ARHGEF4: variants seen among roughly 807,000 people sequenced by gnomAD.
ARHGEF4 encodes APC-stimulated guanine nucleotide exchange factor 1.
In ARHGEF4, 119 loss-of-function variants were observed where a neutral mutation model predicts 162.0. That is an observed-to-expected ratio of 0.73 (90% CI 0.63 to 0.86). The LOEUF is 0.86. Ranked by LOEUF, ARHGEF4 falls within the 40% of genes least tolerant of loss-of-function variation. The probability of loss-of-function intolerance (pLI) is 0.00; values close to 1 mark genes in which losing one functional copy is unlikely to be tolerated. For missense variants in ARHGEF4, 2,488 were observed against 2,456.0 expected (o/e 1.01, Z -0.28); for synonymous variants, 1,014 against 979.9 (o/e 1.03, Z -0.65).
At chr2:131,036,481 G>A (rs1426197966) in intron 5 of ARHGEF4, among the ~76,000 whole-genome samples, 1 of 152,212 alleles carries the variant, frequency 6.6e-6, no homozygotes, top group African/African-American at 2.4e-5. Flanking sequence ...GGCAGGACAA[G>A]TGTGGGGCTT....
chr2:130,917,130 C>G lies in ARHGEF4; in HGVS notation c.3184C>G (p.Gln1062Glu). 1 of 1,550,498 alleles carries G rather than the reference C, an allele frequency of 6.4e-7. No individual in the cohort carries two copies. Residue 1062 changes from glutamine to glutamate, a missense_variant, in exon 2 of 14, where the codon CAG becomes GAG. Transcript: ENST00000409359. ...WLASPGSPRA[Q>E]QAGIAHTLPS... ...GGCGTCCCCCGGCAGCCCTCGGGCC[C>G]AGCAGGCTGGAATCGCACACACCCT...
chr2:131,024,564 C>G (rs187597840), intron 4 of ARHGEF4, among the ~76,000 whole-genome samples: 1 of 152,126 alleles, frequency 6.6e-6, no homozygotes, highest in African/African-American at 2.4e-5. Flanking sequence ...CGTGAGCCAC[C>G]GCACCTGCCA....
At chr2:130,865,867 A>AG (rs888373928) in intron 1 of ARHGEF4, among the ~76,000 whole-genome samples, 1 of 151,916 alleles carries the variant, frequency 6.6e-6, no homozygotes, top group Non-Finnish European at 1.5e-5. Flanking sequence ...CCTTAGACTG[A>AG]GGGGGGATCT....
rs547147002 is a variant in ARHGEF4 at position 130,953,909 on chromosome 2, G to A, written c.3985+7274G>A. On this transcript the variant is annotated intron_variant, in intron 4 of 13. Coordinates refer to ENST00000409359, the MANE Select transcript of ARHGEF4 (RefSeq NM_001367493.1). ...ATTAAAAAGTCAGGAAACAACAGGT[G>A]TTGGAGAGAATGTGGAGAAATAGGA... Among the ~76,000 whole-genome samples the A allele has an allele frequency of 6.4e-4, 97 of 152,346 alleles. 1 individual carries two copies. The highest frequency in any genetic ancestry group is 3.5e-4 in the Non-Finnish European group (24 of 68,028).
intron 2 of ARHGEF4, among the ~76,000 whole-genome samples, chr2:130,919,936 GCA>G (rs1490955178): frequency 7.2e-5 from 11 of 151,984 alleles, no homozygotes; most frequent in Admixed American, 7.2e-4. Flanking sequence ...ACACACACAT[GCA>G]CACACATACA....
intron 1 of ARHGEF4, among the ~76,000 whole-genome samples, chr2:130,893,463 CCTGA>C (rs2104994904): frequency 6.6e-6 from 1 of 152,350 alleles, no homozygotes; most frequent in South Asian, 2.1e-4. Flanking sequence ...GTAAATGCCA[CCTGA>C]CTGTCAACTG....
chr2:130,869,400 C>G (rs72992420), intron 1 of ARHGEF4, among the ~76,000 whole-genome samples: 1,757 of 152,320 alleles, frequency 0.012, 35 homozygotes, highest in African/African-American at 0.038. Context: ...CTCCGGGTCT[C>G]TGCCTTCATC....
At chr2:130,934,701 C>T (rs1437505329) in intron 3 of ARHGEF4, among the ~76,000 whole-genome samples, 1 of 152,228 alleles carries the variant, frequency 6.6e-6, no homozygotes, top group Middle Eastern at 3.4e-3. Flanking sequence ...CACTGCCATG[C>T]ATGGTTAATT....
rs960004414 is a variant in ARHGEF4 at position 131,045,797 on chromosome 2, C to A, written c.5480-241C>A. On this transcript the variant is annotated intron_variant, in intron 13 of 13. Coordinates refer to ENST00000409359, the MANE Select transcript of ARHGEF4 (RefSeq NM_001367493.1). ...AGCCATGCCCCTGAAACATCACATG[C>A]CTTTGCACAGGCCACCCCCCTCTTC... 40 of 1,428,220 alleles carry A rather than the reference C, an allele frequency of 2.8e-5. No individual in the cohort carries two copies. In the East Asian group the frequency reaches 9.9e-4, roughly 35 times the overall value. 88.5% of individuals were successfully genotyped at this position (1,428,220 alleles called of 1,614,324 possible).
chr2:130,909,481 G>A (rs556506854), intron 1 of ARHGEF4, among the ~76,000 whole-genome samples: 1 of 152,302 alleles, frequency 6.6e-6, no homozygotes, highest in African/African-American at 2.4e-5. Context: ...AGCAGATAAA[G>A]GTTGCCTGGG....
At chr2:130,932,647 C>T (rs1433697915) in intron 3 of ARHGEF4, among the ~76,000 whole-genome samples, 1 of 152,142 alleles carries the variant, frequency 6.6e-6, no homozygotes, top group South Asian at 2.1e-4. Context: ...ATGAAATCTA[C>T]TTTATCTATT....
intron 4 of ARHGEF4, among the ~76,000 whole-genome samples, chr2:130,950,693 A>C (rs4999017): frequency 0.98 from 138,542 of 140,916 alleles, 68,126 homozygotes; most frequent in Middle Eastern, 1. Context: ...ATTACCCCCC[A>C]CCACCACCCG....
intron 11 of ARHGEF4, among the ~76,000 whole-genome samples, 164 bp from the exon 12 acceptor site, chr2:131,044,135 G>T (rs1481270866): frequency 6.6e-6 from 1 of 152,170 alleles, no homozygotes; most frequent in Non-Finnish European, 1.5e-5. Context: ...CAGCATGTCT[G>T]TGGGCTGCAG....
In ARHGEF4 at chr2:131,047,007, G is replaced by T. The variant is rs943997618; in HGVS notation, c.*818G>T. ...ACACAGAAGATTGCCTTACGCTCGT[G>T]AGCGTGAGAAGCCATAAGAGAGAGA... On this transcript the variant is annotated 3_prime_UTR_variant, in exon 14 of 14. Transcript: ENST00000409359. 1.3e-5 allele frequency: 2 copies of T among 152,576 alleles called. No individual in the cohort carries two copies. Among genetic ancestry groups the T allele is most frequent in the Non-Finnish European group, 2.9e-5 (2 of 68,054 alleles). The allele number at this position is 152,576 out of a possible 1,614,324, so 9.5% of individuals were successfully genotyped here.
intron 1 of ARHGEF4, among the ~76,000 whole-genome samples, chr2:130,908,435 G>A (rs1680967897): frequency 1.3e-5 from 2 of 152,220 alleles, no homozygotes; most frequent in Admixed American, 1.3e-4. Flanking sequence ...CCAGCACTTT[G>A]GGAGGCCGAG....
chr2:131,023,074 C>CAAAAAAAAAAAAAAAAAA lies in ARHGEF4; in HGVS notation c.3986-4867_3986-4850dup, dbSNP rs56868632. On this transcript the variant is annotated intron_variant, in intron 4 of 13. Transcript: ENST00000409359. ...TGGGCAACATGGTGAAACCCTGTCT[C>CAAAAAAAAAAAAAAAAAA]AAAAAAAAAAAAAAAAAAAAAGAAC... Among the ~76,000 whole-genome samples the CAAAAAAAAAAAAAAAAAA allele has an allele frequency of 6.0e-5, 4 of 66,650 alleles. 2 individuals are homozygous for CAAAAAAAAAAAAAAAAAA. The highest frequency in any genetic ancestry group is 1.2e-3 in the South Asian group (2 of 1,642). 43.7% of individuals were successfully genotyped at this position (66,650 alleles called of 152,430 possible).
At chr2:130,866,520 G>A (rs1574121105) in intron 1 of ARHGEF4, among the ~76,000 whole-genome samples, 4 of 152,168 alleles carry the variant, frequency 2.6e-5, no homozygotes, top group South Asian at 4.1e-4. Flanking sequence ...CGTGGGTTTC[G>A]TGTAGATGTT....
chr2:130,907,350 G>A (rs1680886142), intron 1 of ARHGEF4, among the ~76,000 whole-genome samples: 1 of 150,968 alleles, frequency 6.6e-6, no homozygotes. Flanking sequence ...GAGTAGCTGG[G>A]ACTACAGGCG....
chr2:131,046,139 C>A lies in ARHGEF4; in HGVS notation c.5581C>A (p.Pro1861Thr), dbSNP rs763640681. The A allele has an allele frequency of 6.2e-7, 1 of 1,613,046 alleles. No homozygotes were observed. Among genetic ancestry groups the A allele is most frequent in the South Asian group, 1.1e-5 (1 of 91,076 alleles). The change falls in exon 14 of 14, where the codon CCA becomes ACA. Residue 1861 changes from proline (P) to threonine (T), a missense_variant. Pro to Thr is a conservative substitution (Grantham distance 38). Around this residue, in one of 6 missense-constraint regions of ARHGEF4, gnomAD observed 415 missense variants for 512.4 expected, o/e 0.81. Coordinates refer to ENST00000409359, the MANE Select transcript of ARHGEF4 (RefSeq NM_001367493.1). ...VLVLAEPRRKPSTFWHSISRL... is the reference protein window; with the variant it reads ...VLVLAEPRRKTSTFWHSISRL... ...GGTGCTGGCGGAGCCCAGGCGCAAG[C>A]CATCTACCTTCTGGCACAGCATCAG...
Sources: gnomAD v4.1 joint callset for allele counts (sites outside exome capture counted in the v4.1 genomes callset) on GRCh38, gnomAD v4.1.1 for gene constraint, gnomAD v4.1.1 regional missense constraint, MANE v1.5 for transcripts, NCBI Gene and HGNC (gene_info 2026-07-23, HGNC 2026-07-21) for gene names.